Variants in FAM20C observed in about 807,000 individuals in gnomAD.
FAM20C encodes FAM20C golgi associated secretory pathway kinase.
A neutral mutation model predicts 51.5 loss-of-function variants in FAM20C; 40 were observed. The ratio of observed to expected loss-of-function variants is 0.78; its 90% CI spans 0.60 to 1.01. The LOEUF is 1.01. FAM20C is among the 50% of genes least tolerant of loss of function. The pLI, the probability that FAM20C is intolerant of heterozygous loss-of-function variation, is 0.00. For missense variants in FAM20C, 861 were observed against 844.7 expected (o/e 1.02, Z -0.24); for synonymous variants, 406 against 380.6 (o/e 1.07, Z -0.78).
chr7:250,799 T>G (rs1189179847), intron 5 of FAM20C, among the ~76,000 whole-genome samples: 1 of 152,228 alleles, frequency 6.6e-6, no homozygotes, highest in Non-Finnish European at 1.5e-5. Context: ...CCCGACTGCT[T>G]CTTATCCACG....
chr7:227,642 T>G (rs1368890923), intron 3 of FAM20C: 1 of 152,152 alleles, frequency 6.6e-6, no homozygotes, highest in Non-Finnish European at 1.5e-5. Context: ...GCACCTGTGT[T>G]TTCAGGCTAC....
chr7:246,813 C>G (rs1485581560), intron 4 of FAM20C, among the ~76,000 whole-genome samples: 1 of 152,126 alleles, frequency 6.6e-6, no homozygotes, highest in Non-Finnish European at 1.5e-5. Flanking sequence ...CTTTCATATC[C>G]CCCTTTACAG....
chr7:216,648 T>A (rs1786984483), intron 3 of FAM20C, among the ~76,000 whole-genome samples: 1 of 143,140 alleles, frequency 7.0e-6, no homozygotes, highest in Non-Finnish European at 1.5e-5. Flanking sequence ...TGTGAGTGTG[T>A]GTGAGTGTGT....
At chr7:251,355 C>CA (rs1264931473) in intron 5 of FAM20C, among the ~76,000 whole-genome samples, 4 of 151,928 alleles carry the variant, frequency 2.6e-5, no homozygotes, top group East Asian at 1.9e-4. Context: ...CCCATCTCTA[C>CA]AAAAAATGAA....
chr7:196,962 G>A (rs566992144), intron 2 of FAM20C, among the ~76,000 whole-genome samples: 22 of 151,912 alleles, frequency 1.4e-4, no homozygotes, highest in African/African-American at 3.9e-4. Context: ...GCCCCCCTCC[G>A]TGAAAGCGCT....
chr7:210,259 T>C (rs1345057664), intron 3 of FAM20C, among the ~76,000 whole-genome samples: 1 of 151,994 alleles, frequency 6.6e-6, no homozygotes, highest in Non-Finnish European at 1.5e-5. Context: ...TCCTTCCCCG[T>C]TTCTGTGCGT....
intron 8 of FAM20C, chr7:257,389 C>T (rs988602474): frequency 1.0e-5 from 4 of 392,826 alleles, no homozygotes; most frequent in Middle Eastern, 1.4e-3. Context: ...CAGGACCGTG[C>T]AGAATAGATG....
At chr7:257,836 A>ACCCACTGCCCGGGGTGTTGGAGATAGGCT (rs1788659173) in intron 8 of FAM20C, among the ~76,000 whole-genome samples, 1 of 48,602 alleles carries the variant, frequency 2.1e-5, no homozygotes, top group Non-Finnish European at 4.3e-5. Flanking sequence ...GGAGATGGGC[A>ACCCACTGCCCGGGGTGTTGGAGATAGGCT]GGGTGGACCC....
intron 3 of FAM20C, among the ~76,000 whole-genome samples, chr7:224,360 C>T (rs866075325): frequency 2.5e-4 from 5 of 20,320 alleles, no homozygotes; most frequent in African/African-American, 5.6e-4. Flanking sequence ...CGGAGCAGAA[C>T]GGCACTGTCA....
At chr7:204,614 T>C (rs568155247) in intron 2 of FAM20C, among the ~76,000 whole-genome samples, 34 of 152,100 alleles carry the variant, frequency 2.2e-4, no homozygotes, top group Non-Finnish European at 4.1e-4. Flanking sequence ...GCCCCCACAC[T>C]GCGGCTGTTC....
intron 8 of FAM20C, among the ~76,000 whole-genome samples, chr7:257,800 T>A (rs36180171): frequency 0.15 from 6,460 of 43,204 alleles, 217 homozygotes; most frequent in Non-Finnish European, 0.17. Context: ...GGAGATGGGC[T>A]GGGTGGACCC....
chr7:198,866 C>A (rs1331085183), intron 2 of FAM20C, among the ~76,000 whole-genome samples: 4 of 152,214 alleles, frequency 2.6e-5, no homozygotes, highest in Admixed American at 2.6e-4. Context: ...CAGGGCTGGG[C>A]AGGTGCCTGA....
intron 2 of FAM20C, among the ~76,000 whole-genome samples, chr7:204,036 CAG>C (rs1199639679): frequency 1.3e-5 from 2 of 152,190 alleles, no homozygotes; most frequent in Non-Finnish European, 1.5e-5. Flanking sequence ...AAGGAAAAAA[CAG>C]AAAACTAAAG....
At chr7:207,699 C>A (rs1305311538) in intron 2 of FAM20C, among the ~76,000 whole-genome samples, 2 of 152,240 alleles carry the variant, frequency 1.3e-5, no homozygotes, top group Non-Finnish European at 2.9e-5. Context: ...CCCCGTGAGG[C>A]CCCCTCACAC....
Position 246,428 on chromosome 7 carries a change from C to T in FAM20C, c.877C>T (p.Gln293Ter), listed in dbSNP as rs1362536071. Reference protein sequence around the residue: ...LFKPMKQTREQETPPDFFYFS... With the variant: ...LFKPMKQTRE ...TTGTTTTCTCAGACAAACGAGGGAG[C>T]AGGAGACACCCCCTGACTTTTTTTA... The change falls in exon 4 of 10, where the codon CAG (glutamine) becomes TAG (stop). Residue 293 changes from glutamine (Q) to a stop codon, truncating the protein, a stop_gained. Transcript: ENST00000313766. LOFTEE classifies it high-confidence loss of function. 1 of 1,420,138 alleles carries T rather than the reference C, an allele frequency of 7.0e-7. No homozygotes were observed. The highest frequency in any genetic ancestry group is 9.2e-7 in the Non-Finnish European group (1 of 1,086,916). 88.0% of individuals were successfully genotyped at this position (1,420,138 alleles called of 1,614,324 possible).
At chr7:246,553 A>G (rs1788171595) in intron 4 of FAM20C, 46 bp downstream of exon 4, 1 of 1,226,842 alleles carries the variant, frequency 8.2e-7, no homozygotes, top group Non-Finnish European at 1.1e-6. Context: ...GTGCGCTCAG[A>G]CCCACCGGTG....
chr7:201,828 G>A (rs1027613191), intron 2 of FAM20C, among the ~76,000 whole-genome samples: 2 of 152,198 alleles, frequency 1.3e-5, no homozygotes, highest in African/African-American at 2.4e-5. Flanking sequence ...AGTGGCGTCC[G>A]AGGGTCTGTG....
Position 258,291 on chromosome 7 carries a change from G to A in FAM20C, c.1446-355G>A, listed in dbSNP as rs1450211964. Among the ~76,000 whole-genome samples the A allele has an allele frequency of 8.9e-4, 101 of 113,228 alleles. 2 individuals are homozygous for A. Among genetic ancestry groups the A allele is most frequent in the East Asian group, 3.4e-3 (13 of 3,834 alleles). 74.3% of individuals were successfully genotyped at this position (113,228 alleles called of 152,430 possible). On this transcript the variant is annotated intron_variant, in intron 8 of 9. Transcript: ENST00000313766. ...AGGCAGGGTGGACCCACTGCCTGGGGTGCTGGAGATGGGTGGGATGGACCC... is the reference window on the plus strand; with the variant it reads ...AGGCAGGGTGGACCCACTGCCTGGGATGCTGGAGATGGGTGGGATGGACCC...
At chr7:252,480 G>A (rs1788438995) in intron 5 of FAM20C, among the ~76,000 whole-genome samples, 2 of 150,326 alleles carry the variant, frequency 1.3e-5, no homozygotes, top group East Asian at 2.0e-4. Context: ...ACACCCCCTC[G>A]GCCTCCCAAC....
Sources: allele counts gnomAD v4.1 joint callset (sites outside exome capture counted in the v4.1 genomes callset), GRCh38; gene constraint gnomAD v4.1.1; transcripts MANE v1.5; gene names NCBI Gene and HGNC (gene_info 2026-07-23, HGNC 2026-07-21).